The following WDR5 variants were observed in gnomAD, a reference collection of about 807,000 sequenced individuals.
The protein encoded by WDR5 is WD repeat domain 5, also known as WD repeat-containing protein 5.
For synonymous variants in WDR5, 144 were observed against 161.6 expected (o/e 0.89, Z 0.83); for missense variants, 187 against 416.9 (o/e 0.45, Z 4.80).
chr9:134,137,836 G>A (rs1487573574), intron 1 of WDR5, among the ~76,000 whole-genome samples: 1 of 152,110 alleles, frequency 6.6e-6, no homozygotes, highest in East Asian at 1.9e-4. Context: ...TCTGCCTTCT[G>A]GTTTCAAGTG....
chr9:134,158,105 C>A lies in WDR5; in HGVS notation c.*112C>A. On this transcript the variant is annotated 3_prime_UTR_variant, in exon 14 of 14. Transcript: ENST00000358625. ...TCTGCGCCTGGGGGTCAGGACAGGG[C>A]CTGATTTGAGCCTCCTCTCTGAAGA... is the stretch of plus-strand genomic sequence containing the variant. 1 of 927,750 alleles carries A rather than the reference C, an allele frequency of 1.1e-6. No homozygotes were observed. Among genetic ancestry groups the A allele is most frequent in the Non-Finnish European group, 1.7e-6 (1 of 591,442 alleles). The allele number at this position is 927,750 out of a possible 1,614,324, so 57.5% of individuals were successfully genotyped here.
intron 1 of WDR5, among the ~76,000 whole-genome samples, chr9:134,137,443 G>T (rs1204649086): frequency 6.6e-6 from 1 of 152,064 alleles, no homozygotes; most frequent in African/African-American, 2.4e-5. Flanking sequence ...AGCACTTTGG[G>T]AGGCTGAGGC....
chr9:134,141,905 T>C (rs1473187438), intron 4 of WDR5, 44 bp from the exon 5 acceptor site: 1 of 1,577,234 alleles, frequency 6.3e-7, no homozygotes, highest in East Asian at 2.2e-5. Flanking sequence ...CCGATGGTCC[T>C]ATTTTGTCCT....
rs1832864895 is a variant in WDR5 at position 134,158,769 on chromosome 9, G to A, written c.*776G>A. 6.6e-6 allele frequency: 1 copy of A among 152,230 alleles called. No individual in the cohort carries two copies. The highest frequency in any genetic ancestry group is 1.5e-5 in the Non-Finnish European group (1 of 68,058). 9.4% of individuals were successfully genotyped at this position (152,230 alleles called of 1,614,324 possible). On this transcript the variant is annotated 3_prime_UTR_variant, in exon 14 of 14. Coordinates refer to ENST00000358625, the MANE Select transcript of WDR5 (RefSeq NM_017588.3). ...GCTCCCCTGGGGCAAGAGGGTGGAA[G>A]GTTTCTTTGGACAGGAGGTGCTGAG... is the stretch of plus-strand genomic sequence containing the variant.
At chr9:134,145,116 T>TTTTTTTG (rs1554726633) in intron 7 of WDR5, among the ~76,000 whole-genome samples, 5 of 143,448 alleles carry the variant, frequency 3.5e-5, no homozygotes, top group South Asian at 2.2e-4. Context: ...TTTTTTTTTT[T>TTTTTTTG]GAAACAGAAT....
rs139470012 is a variant in WDR5 at position 134,137,667 on chromosome 9, C to CAAAAAA, written c.-59+1472_-59+1477dup. Among the ~76,000 whole-genome samples the CAAAAAA allele has an allele frequency of 7.2e-3, 668 of 93,352 alleles. 6 individuals carry two copies. The highest frequency in any genetic ancestry group is 0.011 in the Non-Finnish European group (516 of 48,440). The allele number at this position is 93,352 out of a possible 152,430, so 61.2% of individuals were successfully genotyped here. A position where few individuals can be genotyped will look rare whatever the true frequency, so the allele number is the denominator to read the frequency against. On this transcript the variant is annotated intron_variant, in intron 1 of 13. Transcript: ENST00000358625. ...CACCTGGACTCTTTGGACTGTGTCT[C>CAAAAAA]AAAAAAAAAACAAAAACAAAAAAAA...
chr9:134,152,141 CT>C, intron 9 of WDR5, 112 bp downstream of exon 9: 2 of 1,284,512 alleles, frequency 1.6e-6, no homozygotes, highest in African/African-American at 1.5e-5. Context: ...GGGTCCGCCC[CT>C]GCAGGAGGAA....
At chr9:134,140,612 C>G in intron 2 of WDR5, 91 bp from the exon 3 acceptor site, 1 of 1,048,862 alleles carries the variant, frequency 9.5e-7, no homozygotes, top group South Asian at 1.3e-5. Flanking sequence ...AAGATCTGAG[C>G]TGAAATTAAA....
rs1831791153 is a variant in WDR5, at chr9:134,139,940, A to G, written c.63A>G (p.Ser21=). 6.2e-7 allele frequency: 1 copy of G among 1,613,398 alleles called. No individual in the cohort carries two copies. The highest frequency in any genetic ancestry group is 8.5e-7 in the Non-Finnish European group (1 of 1,179,988). The part of the protein sequence containing the change: ...EAARAQPTPS[S]SATQSKPTPV... ...CCAGAGCACAGCCAACCCCTTCGTC[A>G]TCCGCCACTCAGAGCAAGGTGCGTG... is the stretch of plus-strand genomic sequence containing the variant. Residue 21 remains serine, a synonymous_variant, in exon 2 of 14, where the codon TCA becomes TCG. Transcript: ENST00000358625.
chr9:134,147,294 C>T (rs34350861), intron 7 of WDR5, among the ~76,000 whole-genome samples: 11,691 of 152,198 alleles, frequency 0.077, 925 homozygotes, highest in African/African-American at 0.2. Context: ...GGGACCTGTT[C>T]GAAATTTATG....
At chr9:134,143,807 G>A (rs1260768185) in intron 7 of WDR5, among the ~76,000 whole-genome samples, 6 of 148,874 alleles carry the variant, frequency 4.0e-5, no homozygotes, top group East Asian at 2.0e-4. Flanking sequence ...GAGTCACTGC[G>A]CCCGGCCAAA....
intron 8 of WDR5, 62 bp from the exon 9 acceptor site, chr9:134,151,921 C>T: frequency 6.5e-7 from 1 of 1,544,236 alleles, no homozygotes; most frequent in Non-Finnish European, 8.8e-7. Context: ...ATCTGACTCC[C>T]AGCAGCCCGC....
At position 134,155,493 on chromosome 9, in the gene WDR5, G is replaced by C. The variant is rs972124255; in HGVS notation, c.741+120G>C. The stretch of plus-strand genomic sequence containing the variant: ...GGAGCTCAGAGAGCCATCTCCGCTG[G>C]GTTTGGTGCGAATTCCTGAAAGACC... On this transcript the variant is annotated intron_variant, in intron 11 of 13. Coordinates refer to ENST00000358625, the MANE Select transcript of WDR5 (RefSeq NM_017588.3). The C allele has an allele frequency of 7.8e-6, 11 of 1,402,710 alleles. No individual in the cohort carries two copies. In the South Asian group the frequency reaches 9.6e-5, roughly 12 times the overall value. The allele number at this position is 1,402,710 out of a possible 1,614,324, so 86.9% of individuals were successfully genotyped here.
At chr9:134,154,164 C>T (rs535435040) in intron 9 of WDR5, among the ~76,000 whole-genome samples, 1 of 152,324 alleles carries the variant, frequency 6.6e-6, no homozygotes, top group Non-Finnish European at 1.5e-5. Context: ...TTATCCATCC[C>T]CTGTGAGGCA....
rs534098698 is a variant in WDR5, at chr9:134,142,374, C to G, written c.396C>G (p.Val132=). 1.2e-6 allele frequency: 2 copies of G among 1,614,194 alleles called. No individual in the cohort carries two copies. Among genetic ancestry groups the G allele is most frequent in the African/African-American group, 1.3e-5 (1 of 75,052 alleles). Residue 132 remains valine, a synonymous_variant, in exon 6 of 14, where the codon GTC becomes GTG. Transcript: ENST00000358625. ...LKTLKGHSNY[V]FCCNFNPQSN... ...CCCTGAAGGGACACAGTAATTATGT[C>G]TTTTGCTGCAACTTCAATCCCCAGT...
intron 9 of WDR5, among the ~76,000 whole-genome samples, chr9:134,154,175 G>A (rs554254564): frequency 1.3e-5 from 2 of 152,360 alleles, no homozygotes; most frequent in African/African-American, 4.8e-5. Context: ...CTGTGAGGCA[G>A]GTGATTCCTG....
chr9:134,144,223 C>T (rs1285163574), intron 7 of WDR5, among the ~76,000 whole-genome samples: 4 of 152,196 alleles, frequency 2.6e-5, no homozygotes, highest in Non-Finnish European at 5.9e-5. Context: ...GTCACTGCTG[C>T]GGGGAGGCCG....
chr9:134,140,125 A>G (rs1023494476), intron 2 of WDR5, among the ~76,000 whole-genome samples, 167 bp downstream of exon 2: 1 of 152,208 alleles, frequency 6.6e-6, no homozygotes, highest in African/African-American at 2.4e-5. Context: ...CTGCTGTGTC[A>G]GGGATCCCAA....
At chr9:134,156,703 C>T in intron 13 of WDR5, 110 bp downstream of exon 13, 2 of 1,050,164 alleles carry the variant, frequency 1.9e-6, no homozygotes. Context: ...CTTCCCACCT[C>T]AGCCCTCCGC....
Sources: gnomAD v4.1 joint callset for allele counts (sites outside exome capture counted in the v4.1 genomes callset) on GRCh38, gnomAD v4.1.1 for gene constraint, MANE v1.5 for transcripts, NCBI Gene and HGNC (gene_info 2026-07-23, HGNC 2026-07-21) for gene names.